NPR3: variants seen among roughly 807,000 people sequenced by gnomAD.
NPR3 encodes the protein natriuretic peptide receptor 3, also known as atrial natriuretic peptide receptor 3.
In NPR3, 34 loss-of-function variants were observed where a neutral mutation model predicts 54.5. The observed-to-expected ratio is 0.62, with a 90% CI of 0.47 to 0.83. The LOEUF (loss-of-function observed/expected upper bound fraction) is 0.83, where lower values mean the gene tolerates loss of function less well. Ranked by LOEUF, NPR3 falls within the 40% of genes least tolerant of loss-of-function variation. NPR3 has a pLI of 0.00. For synonymous variants in NPR3, 289 were observed against 297.1 expected (o/e 0.97, Z 0.28); for missense variants, 674 against 720.8 (o/e 0.94, Z 0.74).
intron 1 of NPR3, among the ~76,000 whole-genome samples, chr5:32,721,886 T>C (rs191686947): frequency 2.6e-5 from 4 of 152,278 alleles, no homozygotes; most frequent in African/African-American, 9.6e-5. Flanking sequence ...CATAACACTA[T>C]GAAAGGCATC....
chr5:32,715,808 T>A (rs935835803), intron 1 of NPR3, among the ~76,000 whole-genome samples: 2 of 152,248 alleles, frequency 1.3e-5, no homozygotes, highest in African/African-American at 4.8e-5. Context: ...TGTTTTTATG[T>A]GAAGAACTGT....
chr5:32,765,742 C>A (rs1741418028), intron 3 of NPR3, among the ~76,000 whole-genome samples: 1 of 152,178 alleles, frequency 6.6e-6, no homozygotes, highest in South Asian at 2.1e-4. Flanking sequence ...AGTTCGCTGG[C>A]TCACATAAGG....
intron 3 of NPR3, among the ~76,000 whole-genome samples, chr5:32,754,947 G>A (rs777573914): frequency 6.6e-6 from 1 of 152,298 alleles, no homozygotes; most frequent in South Asian, 2.1e-4. Flanking sequence ...TGCAAGCTCC[G>A]CTTCCCAGGT....
At chr5:32,749,751 C>T (rs1227535291) in intron 3 of NPR3, among the ~76,000 whole-genome samples, 2 of 152,134 alleles carry the variant, frequency 1.3e-5, no homozygotes, top group African/African-American at 4.8e-5. Flanking sequence ...TATGCTTCAC[C>T]CAATCTTCAG....
chr5:32,769,380 G>A (rs985665610), intron 3 of NPR3, among the ~76,000 whole-genome samples: 1 of 152,082 alleles, frequency 6.6e-6, no homozygotes, highest in Non-Finnish European at 1.5e-5. Flanking sequence ...GGTCCAGGAG[G>A]GCTGGACCAG....
chr5:32,696,828 AT>A (rs1369544903), intron 1 of NPR3, among the ~76,000 whole-genome samples: 5 of 152,108 alleles, frequency 3.3e-5, no homozygotes, highest in African/African-American at 9.7e-5. Flanking sequence ...AATACTACTG[AT>A]TTTTGTATGT....
At chr5:32,695,867 A>G (rs1740518670) in intron 1 of NPR3, among the ~76,000 whole-genome samples, 1 of 152,202 alleles carries the variant, frequency 6.6e-6, no homozygotes, top group Non-Finnish European at 1.5e-5. Flanking sequence ...TTTAAATCAC[A>G]TAATTAGATA....
At chr5:32,777,501 T>C (rs1452708926) in intron 4 of NPR3, among the ~76,000 whole-genome samples, 1 of 152,248 alleles carries the variant, frequency 6.6e-6, no homozygotes, top group East Asian at 1.9e-4. Context: ...TATCTATTTG[T>C]AATCCAACTA....
intron 6 of NPR3, 149 bp from the exon 7 acceptor site, chr5:32,784,647 A>G: frequency 3.2e-6 from 2 of 616,864 alleles, no homozygotes; most frequent in South Asian, 4.0e-5. Flanking sequence ...AAAACAAAAA[A>G]CAAGTGTAGG....
intron 1 of NPR3, among the ~76,000 whole-genome samples, chr5:32,717,280 C>T (rs1323001859): frequency 6.6e-6 from 1 of 152,166 alleles, no homozygotes; most frequent in Non-Finnish European, 1.5e-5. Context: ...GGTTCCAAGT[C>T]TTTCCTATTG....
intron 7 of NPR3, among the ~76,000 whole-genome samples, chr5:32,785,743 T>C (rs1279376624): frequency 1.3e-5 from 2 of 152,234 alleles, no homozygotes. Context: ...CTGATTGTTC[T>C]GCCCCGTGAG....
chr5:32,775,358 G>A (rs929450573), intron 4 of NPR3, among the ~76,000 whole-genome samples: 30 of 149,876 alleles, frequency 2.0e-4, no homozygotes, highest in African/African-American at 7.4e-4. Flanking sequence ...TCAGTGGCAC[G>A]ATCTCGGCTC....
upstream of NPR3, chr5:32,710,759 A>G (rs550189561): frequency 1.3e-6 from 2 of 1,545,992 alleles, no homozygotes; most frequent in Non-Finnish European, 8.7e-7. Flanking sequence ...GTGCTTCAGG[A>G]GGGAATGTGG....
At chr5:32,715,039 G>A (rs1484058474) in intron 1 of NPR3, among the ~76,000 whole-genome samples, 1 of 152,182 alleles carries the variant, frequency 6.6e-6, no homozygotes, top group Admixed American at 6.5e-5. Flanking sequence ...CAATAAATGT[G>A]CGGTTTCATT....
intron 3 of NPR3, among the ~76,000 whole-genome samples, chr5:32,746,150 G>C (rs774637600): frequency 3.9e-5 from 6 of 152,198 alleles, no homozygotes; most frequent in Non-Finnish European, 8.8e-5. Flanking sequence ...CATGTTTCCA[G>C]AGAATCGAAA....
chr5:32,751,905 T>TTTTAG (rs1298862353), intron 3 of NPR3, among the ~76,000 whole-genome samples: 1 of 152,150 alleles, frequency 6.6e-6, no homozygotes, highest in Non-Finnish European at 1.5e-5. Context: ...ATTAAAGCTG[T>TTTTAG]TTAAACCAAC....
upstream of NPR3, among the ~76,000 whole-genome samples, chr5:32,707,775 G>C: frequency 6.6e-6 from 1 of 152,154 alleles, no homozygotes; most frequent in East Asian, 1.9e-4. Flanking sequence ...TGCAGAGACT[G>C]TTACAGTTGG....
At chr5:32,779,405 T>C (rs1742224517) in intron 4 of NPR3, among the ~76,000 whole-genome samples, 3 of 152,220 alleles carry the variant, frequency 2.0e-5, no homozygotes. Context: ...CGATGATATA[T>C]TTGCTTTTAT....
intron 3 of NPR3, among the ~76,000 whole-genome samples, chr5:32,772,256 G>A (rs993698913): frequency 6.6e-6 from 1 of 152,146 alleles, no homozygotes; most frequent in African/African-American, 2.4e-5. Context: ...GAACTGTTTG[G>A]GTGTTTTACA....
Sources: allele counts gnomAD v4.1 joint callset (sites outside exome capture counted in the v4.1 genomes callset), GRCh38; gene constraint gnomAD v4.1.1; transcripts MANE v1.5; gene names NCBI Gene and HGNC (gene_info 2026-07-23, HGNC 2026-07-21).